VRK2: variants seen among roughly 807,000 people sequenced by gnomAD.
VRK2 encodes the protein VRK serine/threonine kinase 2, also known as serine/threonine-protein kinase VRK2.
Under a neutral mutation model 57.6 loss-of-function variants are expected in VRK2, and 60 were observed. That is an observed-to-expected ratio of 1.04 (90% CI 0.85 to 1.29). The LOEUF is 1.29. Among genes scored for constraint, VRK2 ranks in the 50% most tolerant of loss-of-function variants. VRK2 has a pLI of 0.00. For missense variants in VRK2, 705 were observed against 588.1 expected, an observed-to-expected ratio of 1.20 and a Z score of -2.06; for synonymous variants, 231 against 199.2, an observed-to-expected ratio of 1.16 and a Z score of -1.35.
chr2:58,086,501 T>C lies in VRK2; in HGVS notation c.344+75T>C, dbSNP rs1671644274. ...GTGGTCTATGAGTTAACTATTGCCA[T>C]GTAACAAATTACCAAAACATATTGG... On this transcript the variant is annotated intron_variant, in intron 5 of 12. Coordinates refer to ENST00000340157, the MANE Select transcript of VRK2 (RefSeq NM_006296.7). 3 of 1,289,946 alleles carry C rather than the reference T, an allele frequency of 2.3e-6. No homozygotes were observed. The East Asian group carries it at 7.6e-5, about 33-fold the overall frequency. 79.9% of individuals were successfully genotyped at this position (1,289,946 alleles called of 1,614,324 possible). A position where few individuals can be genotyped will look rare whatever the true frequency, so the allele number is the denominator to read the frequency against.
intron 1 of VRK2, among the ~76,000 whole-genome samples, chr2:57,915,360 TG>T (rs1359465144): frequency 6.6e-6 from 1 of 152,162 alleles, no homozygotes; most frequent in East Asian, 1.9e-4. Flanking sequence ...ATTTTATTTT[TG>T]AAGATCAGGC....
chr2:58,100,569 T>C (rs929428356), intron 7 of VRK2, among the ~76,000 whole-genome samples: 2 of 151,830 alleles, frequency 1.3e-5, no homozygotes, highest in African/African-American at 4.8e-5. Flanking sequence ...AAAGAGACTT[T>C]GGAAATAGTT....
chr2:58,131,600 C>T (rs1415108858), intron 8 of VRK2, among the ~76,000 whole-genome samples: 1 of 152,086 alleles, frequency 6.6e-6, no homozygotes, highest in African/African-American at 2.4e-5. Context: ...AGGAAACTGA[C>T]CCTTACTTTC....
At chr2:58,049,043 A>T in intron 2 of VRK2, 76 bp downstream of exon 2, 1 of 1,517,858 alleles carries the variant, frequency 6.6e-7, no homozygotes, top group Non-Finnish European at 8.9e-7. Context: ...GTATTTTAAG[A>T]ATGGAAATAT....
intron 8 of VRK2, among the ~76,000 whole-genome samples, chr2:58,130,435 T>C (rs1484265987): frequency 2.0e-5 from 3 of 152,182 alleles, no homozygotes; most frequent in African/African-American, 7.2e-5. Context: ...CATTAGGACA[T>C]TGTTGAAGCT....
At chr2:58,096,110 T>TC (rs1368766801) in intron 7 of VRK2, among the ~76,000 whole-genome samples, 1 of 152,126 alleles carries the variant, frequency 6.6e-6, no homozygotes, top group Non-Finnish European at 1.5e-5. Flanking sequence ...CTTCTAATAT[T>TC]GAACCAACCT....
intron 1 of VRK2, among the ~76,000 whole-genome samples, chr2:57,972,347 A>G (rs1311731983): frequency 6.6e-6 from 1 of 151,846 alleles, no homozygotes; most frequent in Non-Finnish European, 1.5e-5. Context: ...TTAAAAATCT[A>G]CACCTCTCTT....
chr2:58,091,475 A>C (rs947505740), intron 7 of VRK2, among the ~76,000 whole-genome samples: 5 of 152,028 alleles, frequency 3.3e-5, no homozygotes, highest in African/African-American at 1.2e-4. Flanking sequence ...TTTTAATTTA[A>C]CTTAATTTAA....
At chr2:58,137,133 CAT>C (rs1363060523) in intron 10 of VRK2, among the ~76,000 whole-genome samples, 12 of 19,940 alleles carry the variant, frequency 6.0e-4, no homozygotes, top group Admixed American at 3.0e-3. Flanking sequence ...GTGTATATAT[CAT>C]ATATCATATA....
intron 1 of VRK2, chr2:58,047,260 A>C: frequency 3.1e-6 from 1 of 320,324 alleles, no homozygotes; most frequent in Non-Finnish European, 4.5e-6. Flanking sequence ...GCTTCTCGTT[A>C]CCTTCCGCAG....
intron 12 of VRK2, among the ~76,000 whole-genome samples, chr2:58,151,786 AGGGGTCAGTCAGCTCCATAGCCTAT>A (rs1484448053): frequency 1.1e-5 from 1 of 88,342 alleles, no homozygotes; most frequent in Non-Finnish European, 2.1e-5. Flanking sequence ...CTCTAGAGCA[AGGGGTCAGTCAGCTCCATAGCCTAT>A]GGGCCAAATT....
chr2:57,948,538 C>T (rs1671329067), intron 1 of VRK2, among the ~76,000 whole-genome samples: 1 of 152,020 alleles, frequency 6.6e-6, no homozygotes, highest in South Asian at 2.1e-4. Context: ...GTTTCTGGTC[C>T]TTAGATGGCC....
chr2:58,005,847 C>A (rs1281520581), intron 1 of VRK2, among the ~76,000 whole-genome samples: 2 of 152,160 alleles, frequency 1.3e-5, no homozygotes, highest in African/African-American at 4.8e-5. Context: ...GTAGAAGAGA[C>A]CTCCCCAGCC....
chr2:58,118,672 C>T (rs1676909636), intron 7 of VRK2, among the ~76,000 whole-genome samples: 1 of 151,636 alleles, frequency 6.6e-6, no homozygotes, highest in South Asian at 2.1e-4. Flanking sequence ...CAAGGGAGGT[C>T]CCCCGATCCG....
In VRK2 at chr2:58,047,350, T is replaced by A; in HGVS notation, c.-6+482T>A. On this transcript the variant is annotated intron_variant, in intron 1 of 12. Transcript: ENST00000340157. Reference sequence around the variant, plus strand: ...GTACCAGTTTGCTCGGAAACTCGTGTTGAGGACTCATCTTAGCCCTGGGAA... The same window carrying A: ...GTACCAGTTTGCTCGGAAACTCGTGATGAGGACTCATCTTAGCCCTGGGAA... 3.4e-6 allele frequency: 3 copies of A among 888,796 alleles called. No individual in the cohort carries two copies. The African/African-American group carries it at 5.4e-5, about 16-fold the overall frequency. 55.1% of individuals were successfully genotyped at this position (888,796 alleles called of 1,614,324 possible). A position where few individuals can be genotyped will look rare whatever the true frequency, so the allele number is the denominator to read the frequency against.
At chr2:58,105,505 A>T (rs1674604866) in intron 7 of VRK2, among the ~76,000 whole-genome samples, 2 of 151,924 alleles carry the variant, frequency 1.3e-5, no homozygotes, top group African/African-American at 4.8e-5. Flanking sequence ...ATATCATCTT[A>T]TGCCAGTCAG....
At chr2:58,129,920 G>T (rs7588018) in intron 8 of VRK2, among the ~76,000 whole-genome samples, 4,240 of 152,158 alleles carry the variant, frequency 0.028, 198 homozygotes, top group African/African-American at 0.095. Flanking sequence ...TATTAATACC[G>T]ATGTGCAAAA....
chr2:58,152,733 AT>A (rs572586604), intron 12 of VRK2, among the ~76,000 whole-genome samples: 7 of 151,516 alleles, frequency 4.6e-5, no homozygotes, highest in South Asian at 4.2e-4. Context: ...TTATTTCTGC[AT>A]TTTTTTAACA....
chr2:57,966,596 A>T (rs1671924107), intron 1 of VRK2, among the ~76,000 whole-genome samples: 1 of 152,212 alleles, frequency 6.6e-6, no homozygotes, highest in South Asian at 2.1e-4. Flanking sequence ...TTACTCCATT[A>T]TCTAATCAAA....
Sources: allele counts gnomAD v4.1 joint callset (sites outside exome capture counted in the v4.1 genomes callset), GRCh38; gene constraint gnomAD v4.1.1; transcripts MANE v1.5; gene names NCBI Gene and HGNC (gene_info 2026-07-23, HGNC 2026-07-21).